The following DNM3 variants were observed in gnomAD, a reference collection of about 807,000 sequenced individuals.
The protein encoded by DNM3 is dynamin 3.
A neutral mutation model predicts 101.6 loss-of-function variants in DNM3; 47 were observed. The ratio of observed to expected loss-of-function variants is 0.46; its 90% CI spans 0.37 to 0.59. The LOEUF (loss-of-function observed/expected upper bound fraction) is 0.59, where lower values mean the gene tolerates loss of function less well. Among genes scored for constraint, DNM3 ranks in the 20% least tolerant of loss-of-function variants. The pLI is 0.00. For missense variants in DNM3, 849 were observed against 1,085.7 expected, an observed-to-expected ratio of 0.78 and a Z score of 3.06; for synonymous variants, 385 against 387.9, an observed-to-expected ratio of 0.99 and a Z score of 0.09.
chr1:172,013,279 G>GT (rs1476268261), intron 4 of DNM3, among the ~76,000 whole-genome samples: 2 of 151,944 alleles, frequency 1.3e-5, no homozygotes, highest in Admixed American at 1.3e-4. Context: ...AAATGTCAGT[G>GT]TTTTTATAGG....
intron 13 of DNM3, among the ~76,000 whole-genome samples, chr1:172,106,844 A>ATTT (rs1289662689): frequency 5.9e-5 from 3 of 51,066 alleles, no homozygotes; most frequent in Admixed American, 2.4e-4. Context: ...AGGTAACATT[A>ATTT]TTCTTTTTTT....
chr1:172,159,576 G>T (rs370164825), intron 14 of DNM3, among the ~76,000 whole-genome samples: 10 of 152,038 alleles, frequency 6.6e-5, no homozygotes, highest in African/African-American at 2.2e-4. Flanking sequence ...TATCAATTGT[G>T]TACAGGATAG....
chr1:172,281,465 C>G (rs1392031743), intron 15 of DNM3, among the ~76,000 whole-genome samples: 5 of 152,048 alleles, frequency 3.3e-5, no homozygotes, highest in African/African-American at 1.2e-4. Context: ...CCCATTTTCC[C>G]CAACATAAGC....
intron 4 of DNM3, among the ~76,000 whole-genome samples, chr1:172,000,146 G>A (rs543872773): frequency 1.3e-5 from 2 of 152,156 alleles, no homozygotes; most frequent in South Asian, 4.1e-4. Flanking sequence ...GAGCCCCGGG[G>A]CACTCCAGTA....
chr1:172,310,670 T>C (rs1279092548), intron 16 of DNM3: 5 of 152,232 alleles, frequency 3.3e-5, no homozygotes, highest in Non-Finnish European at 5.9e-5. Flanking sequence ...CCAAGCTCAG[T>C]GTCTTAGAGG....
At chr1:172,160,309 T>C (rs939688324) in intron 14 of DNM3, among the ~76,000 whole-genome samples, 1 of 152,074 alleles carries the variant, frequency 6.6e-6, no homozygotes, top group African/African-American at 2.4e-5. Context: ...TTATAAACTT[T>C]CAAATTTTTA....
intron 14 of DNM3, chr1:172,139,160 A>C: frequency 3.2e-6 from 1 of 314,290 alleles, no homozygotes; most frequent in Non-Finnish European, 6.2e-6. Context: ...GGAAAAAAAG[A>C]GATTAAACAC....
At chr1:171,867,425 C>T (rs2034868085) in intron 1 of DNM3, among the ~76,000 whole-genome samples, 1 of 152,192 alleles carries the variant, frequency 6.6e-6, no homozygotes, top group African/African-American at 2.4e-5. Context: ...CACATCTGCG[C>T]TAGGCTCCAG....
chr1:172,049,951 G>A (rs890165425), intron 10 of DNM3, among the ~76,000 whole-genome samples: 1 of 152,100 alleles, frequency 6.6e-6, no homozygotes, highest in African/African-American at 2.4e-5. Context: ...ACTAGCTTAG[G>A]ACCCAGAGGT....
intron 2 of DNM3, among the ~76,000 whole-genome samples, chr1:171,924,860 T>C (rs1347736126): frequency 6.6e-6 from 1 of 152,184 alleles, no homozygotes; most frequent in Non-Finnish European, 1.5e-5. Flanking sequence ...CTTTTATGTA[T>C]TCTTTTGAGA....
chr1:172,305,158 A>C (rs918351440), intron 15 of DNM3, among the ~76,000 whole-genome samples: 16 of 152,336 alleles, frequency 1.1e-4, no homozygotes, highest in African/African-American at 3.6e-4. Flanking sequence ...AGAAGAAAAG[A>C]GAGAAGAATC....
chr1:172,277,479 T>C (rs1300534957), intron 15 of DNM3, among the ~76,000 whole-genome samples: 2 of 152,072 alleles, frequency 1.3e-5, no homozygotes, highest in Non-Finnish European at 2.9e-5. Flanking sequence ...GCAGTGAGTG[T>C]AGGAGTCTCT....
At chr1:172,277,327 A>G (rs2063328431) in intron 15 of DNM3, among the ~76,000 whole-genome samples, 1 of 152,118 alleles carries the variant, frequency 6.6e-6, no homozygotes, top group African/African-American at 2.4e-5. Flanking sequence ...TGAAAAGACA[A>G]TCTTTAGAGG....
At chr1:172,117,179 T>C (rs1404070435) in intron 13 of DNM3, among the ~76,000 whole-genome samples, 3 of 150,488 alleles carry the variant, frequency 2.0e-5, no homozygotes, top group African/African-American at 7.4e-5. Flanking sequence ...CACTCCAGCC[T>C]GGGCAACAAG....
chr1:172,145,896 C>T (rs1194285589), intron 14 of DNM3, among the ~76,000 whole-genome samples: 1 of 152,108 alleles, frequency 6.6e-6, no homozygotes, highest in Non-Finnish European at 1.5e-5. Context: ...GATATCAGCC[C>T]ACTGGCATCT....
intron 17 of DNM3, among the ~76,000 whole-genome samples, chr1:172,329,995 A>C (rs1323377818): frequency 1.3e-5 from 2 of 152,180 alleles, no homozygotes; most frequent in Non-Finnish European, 2.9e-5. Flanking sequence ...GATAGGTGGT[A>C]ACGAGGAAGC....
At chr1:172,081,447 A>G (rs2053141236) in intron 11 of DNM3, among the ~76,000 whole-genome samples, 1 of 152,236 alleles carries the variant, frequency 6.6e-6, no homozygotes, top group Non-Finnish European at 1.5e-5. Context: ...CTACAGGAAC[A>G]GTAAGCTCAG....
At position 171,988,915 on chromosome 1, in the gene DNM3, A is replaced by G. The variant is rs747281392; in HGVS notation, c.386-30A>G. 6 of 1,533,740 alleles carry G rather than the reference A, an allele frequency of 3.9e-6. No homozygotes were observed. In the East Asian group the frequency reaches 1.2e-4, roughly 31 times the overall value. ...TGTTATCTTTTAGCATTGAAGGTGT[A>G]TGTAAGACTCCTTTATCCTTTCCAC... On this transcript the variant is annotated intron_variant, in intron 3 of 20. Transcript: ENST00000627582.
chr1:172,005,431 A>G (rs2046623371), intron 4 of DNM3, among the ~76,000 whole-genome samples: 2 of 152,230 alleles, frequency 1.3e-5, no homozygotes, highest in Admixed American at 1.3e-4. Flanking sequence ...TAGGAAGCAT[A>G]TAGCTGTTAA....
Sources: allele counts gnomAD v4.1 joint callset (sites outside exome capture counted in the v4.1 genomes callset), GRCh38; gene constraint gnomAD v4.1.1; transcripts MANE v1.5; gene names NCBI Gene and HGNC (gene_info 2026-07-23, HGNC 2026-07-21).